The following TNRC6A variants were observed in gnomAD, a reference collection of about 807,000 sequenced individuals.
TNRC6A encodes the protein trinucleotide repeat-containing gene 6A protein.
In TNRC6A, 44 loss-of-function variants were observed where a neutral mutation model predicts 221.2. The ratio of observed to expected loss-of-function variants is 0.20; its 90% CI spans 0.16 to 0.26. TNRC6A has a LOEUF of 0.26. Among genes scored for constraint, TNRC6A ranks in the 10% least tolerant of loss-of-function variants. TNRC6A has a pLI of 1.00. For missense variants in TNRC6A, 2,199 were observed against 2,404.4 expected, an observed-to-expected ratio of 0.91 and a Z score of 1.79; for synonymous variants, 847 against 838.5, an observed-to-expected ratio of 1.01 and a Z score of -0.18.
chr16:24,660,531 T>G (rs1052930653), intron 2 of TNRC6A, among the ~76,000 whole-genome samples: 5 of 152,060 alleles, frequency 3.3e-5, no homozygotes, highest in Non-Finnish European at 7.4e-5. Context: ...GTGAATAGTG[T>G]GAATTGTGCT....
intron 4 of TNRC6A, chr16:24,776,344 C>T (rs2057717389): frequency 2.0e-6 from 2 of 984,594 alleles, no homozygotes; most frequent in Non-Finnish European, 2.4e-6. Flanking sequence ...TTATCTTTGT[C>T]TTTAGTTCCA....
rs774819440 is a variant in TNRC6A, at chr16:24,790,231, C to G, written c.1589C>G (p.Ser530Cys). ...TTWGAYGSNY[S>C]GDKCSGPNGQ... ...TGGGGTGCCTATGGTTCTAATTACT[C>G]TGGAGACAAATGTTCAGGCCCTAAT... is the stretch of plus-strand genomic sequence containing the variant. The change falls in exon 6 of 25, where the codon TCT (serine) becomes TGT (cysteine). Residue 530 changes from serine to cysteine, a missense_variant. Transcript: ENST00000395799. 5 of 1,614,190 alleles carry G rather than the reference C, an allele frequency of 3.1e-6. No homozygotes were observed. The highest frequency in any genetic ancestry group is 4.2e-6 in the Non-Finnish European group (5 of 1,180,036).
At chr16:24,725,899 C>T (rs959022828), upstream of TNRC6A, among the ~76,000 whole-genome samples, 11 of 151,658 alleles carry the variant, frequency 7.3e-5, no homozygotes, top group African/African-American at 2.7e-4. Context: ...GCTGGAGAGG[C>T]TGAAGCAAGG....
At position 24,820,253 on chromosome 16, in the gene TNRC6A, G is replaced by A. The variant is rs772536849; in HGVS notation, c.5195G>A (p.Arg1732His). 8 of 1,613,930 alleles carry A rather than the reference G, an allele frequency of 5.0e-6. No homozygotes were observed. Among genetic ancestry groups the A allele is most frequent in the Middle Eastern group, 1.6e-4 (1 of 6,084 alleles). The change falls in exon 22 of 25, where the codon CGC becomes CAC. Residue 1732 changes from arginine to histidine, a missense_variant. Physicochemically the swap from Arg to His is conservative, Grantham distance 29. Around this residue, in one of 8 missense-constraint regions of TNRC6A, gnomAD observed 449 missense variants for 579.7 expected, o/e 0.77. Coordinates refer to ENST00000395799, the MANE Select transcript of TNRC6A (RefSeq NM_014494.4). ...LPPKNITAPS[R>H]PPPGLTGQKP... The stretch of plus-strand genomic sequence containing the variant: ...CCTAAAAACATCACTGCTCCGTCCC[G>A]CCCACCTCCGGGACTGACTGGTCAG...
chr16:24,710,193 C>G (rs527478928), intron 2 of TNRC6A, among the ~76,000 whole-genome samples: 9 of 151,604 alleles, frequency 5.9e-5, no homozygotes, highest in Non-Finnish European at 1.2e-4. Context: ...CCATTGCACT[C>G]CAGCCTGGGC....
At chr16:24,771,838 A>G (rs1172903951) in intron 4 of TNRC6A, among the ~76,000 whole-genome samples, 1 of 152,114 alleles carries the variant, frequency 6.6e-6, no homozygotes, top group Non-Finnish European at 1.5e-5. Flanking sequence ...CTGTGAGCCT[A>G]TTTTGGTAAA....
chr16:24,623,152 A>AATTTATTT lies in TNRC6A; in HGVS notation n.276+12702_276+12709dup, dbSNP rs199950284. ...CCAACCCAGTCAGTTAAGTGATAAG[A>AATTTATTT]ATTTATTTATTTATTTATTTATTTA... is the stretch of plus-strand genomic sequence containing the variant. On this transcript the variant is annotated intron_variant and non_coding_transcript_variant, in intron 1 of 2. Coordinates refer to the TNRC6A transcript ENST00000566108. Among the ~76,000 whole-genome samples, 620 of 143,832 alleles carry AATTTATTT rather than the reference A, an allele frequency of 4.3e-3. 7 individuals are homozygous for AATTTATTT. Among genetic ancestry groups the AATTTATTT allele is most frequent in the East Asian group, 0.023 (114 of 4,914 alleles). 94.4% of individuals were successfully genotyped at this position (143,832 alleles called of 152,430 possible).
intron 2 of TNRC6A, among the ~76,000 whole-genome samples, chr16:24,655,234 A>T (rs1447484228): frequency 6.6e-6 from 1 of 152,030 alleles, no homozygotes; most frequent in Non-Finnish European, 1.5e-5. Flanking sequence ...ACACAACAAG[A>T]TCCTGTCTCA....
At chr16:24,753,748 C>T (rs80141379) in intron 3 of TNRC6A, among the ~76,000 whole-genome samples, 3,214 of 152,290 alleles carry the variant, frequency 0.021, 52 homozygotes, top group Non-Finnish European at 0.033. Flanking sequence ...TAAATGTTGG[C>T]ACATAAACTC....
intron 2 of TNRC6A, among the ~76,000 whole-genome samples, chr16:24,645,834 C>CAAAAAAGAAA (rs1902251619): frequency 3.8e-5 from 1 of 26,624 alleles, no homozygotes. Context: ...CCTGTATCTA[C>CAAAAAAGAAA]AAAAAAAAAA....
intron 1 of TNRC6A, among the ~76,000 whole-genome samples, chr16:24,626,985 C>G (rs1344940590): frequency 1.3e-5 from 2 of 148,258 alleles, no homozygotes; most frequent in African/African-American, 2.5e-5. Flanking sequence ...CTACAAATTC[C>G]TTTCTCTAGG....
chr16:24,753,654 G>A (rs1273842295), intron 3 of TNRC6A, among the ~76,000 whole-genome samples: 2 of 152,174 alleles, frequency 1.3e-5, no homozygotes, highest in Non-Finnish European at 2.9e-5. Context: ...AGGTTTCCTG[G>A]AACTTGTCTT....
intron 2 of TNRC6A, among the ~76,000 whole-genome samples, chr16:24,748,877 G>A (rs556787222): frequency 1.3e-5 from 2 of 152,020 alleles, no homozygotes; most frequent in South Asian, 4.2e-4. Flanking sequence ...TTTTCTGCCT[G>A]ATATTCCTTT....
chr16:24,818,058 G>A (rs2058689742), intron 20 of TNRC6A, among the ~76,000 whole-genome samples: 1 of 152,134 alleles, frequency 6.6e-6, no homozygotes, highest in African/African-American at 2.4e-5. Flanking sequence ...CCAGATGGTG[G>A]TCGGGTCTAG....
intron 4 of TNRC6A, among the ~76,000 whole-genome samples, chr16:24,764,922 AATAAT>A (rs1296714078): frequency 2.0e-5 from 3 of 152,210 alleles, no homozygotes; most frequent in Admixed American, 6.5e-5. Flanking sequence ...ATTAACAACT[AATAAT>A]AAAATAAAAT....
chr16:24,786,388 C>T (rs559439708), intron 5 of TNRC6A, among the ~76,000 whole-genome samples: 8 of 151,944 alleles, frequency 5.3e-5, no homozygotes, highest in Admixed American at 2.0e-4. Context: ...TGCAGTGGCA[C>T]GATCTTGGCT....
intron 4 of TNRC6A, among the ~76,000 whole-genome samples, chr16:24,773,711 A>T (rs886691682): frequency 6.6e-6 from 1 of 152,110 alleles, no homozygotes; most frequent in African/African-American, 2.4e-5. Context: ...AAAGTGCTTA[A>T]TTGCTCATAT....
At chr16:24,819,507 C>CTTTTTTTTTTTTTTTTTTTTTTTTTTTT (rs71383722) in intron 21 of TNRC6A, 1 of 81,992 alleles carries the variant, frequency 1.2e-5, no homozygotes. Flanking sequence ...CTTTTTCTTT[C>CTTTTTTTTTTTTTTTTTTTTTTTTTTTT]TTTTTTTTTT....
intron 1 of TNRC6A, among the ~76,000 whole-genome samples, chr16:24,615,673 C>T (rs1900304399): frequency 6.6e-6 from 1 of 152,162 alleles, no homozygotes; most frequent in Non-Finnish European, 1.5e-5. Flanking sequence ...GGGGAATGAA[C>T]ATTCTAAAGT....
Sources: allele counts gnomAD v4.1 joint callset (sites outside exome capture counted in the v4.1 genomes callset), GRCh38; gene constraint gnomAD v4.1.1; regional missense constraint gnomAD v4.1.1; transcripts MANE v1.5; gene names NCBI Gene and HGNC (gene_info 2026-07-23, HGNC 2026-07-21).